Variants in STK32C observed in about 807,000 individuals in gnomAD.
The protein encoded by STK32C is serine/threonine-protein kinase 32C.
STK32C carries 31 observed loss-of-function variants against 56.5 expected under a neutral mutation model. The observed-to-expected ratio is 0.55, with a 90% CI of 0.41 to 0.74. The LOEUF (loss-of-function observed/expected upper bound fraction) is 0.74. Among genes scored for constraint, STK32C ranks in the 30% least tolerant of loss-of-function variants. The probability of loss-of-function intolerance (pLI) is 0.00; values close to 1 mark genes in which losing one functional copy is unlikely to be tolerated. For synonymous variants in STK32C, 309 were observed against 289.4 expected (o/e 1.07, Z -0.69); for missense variants, 544 against 676.9 (o/e 0.80, Z 2.18).
At chr10:132,239,968 G>T (rs552542842) in intron 2 of STK32C, among the ~76,000 whole-genome samples, 1 of 152,206 alleles carries the variant, frequency 6.6e-6, no homozygotes, top group Non-Finnish European at 1.5e-5. Flanking sequence ...GTCAGCGTCC[G>T]CTGGCTGTGA....
At chr10:132,208,579 G>A (rs1411109445) in intron 11 of STK32C, among the ~76,000 whole-genome samples, 1 of 152,168 alleles carries the variant, frequency 6.6e-6, no homozygotes, top group Admixed American at 6.5e-5. Flanking sequence ...GCCCCGTGCG[G>A]GCAGAGGGAG....
At position 132,283,339 on chromosome 10, in the gene STK32C, T is replaced by C. The variant is rs12259818; in HGVS notation, c.262+24233A>G. 6.9e-3 allele frequency among the ~76,000 whole-genome samples: 1,044 copies of C among 152,356 alleles called. 13 individuals carry two copies. Among genetic ancestry groups the C allele is most frequent in the African/African-American group, 0.023 (974 of 41,586 alleles). On this transcript the variant is annotated intron_variant, in intron 1 of 11. Coordinates refer to ENST00000298630, the MANE Select transcript of STK32C (RefSeq NM_173575.4). Reference sequence around the variant, plus strand: ...ATGGCACAACCCGCCCTGTGAAATCTGAGCGGAGCAAACAGGCTGTGAAGG... The same window carrying C: ...ATGGCACAACCCGCCCTGTGAAATCCGAGCGGAGCAAACAGGCTGTGAAGG...
chr10:132,209,235 G>A (rs1437096842), intron 10 of STK32C, 134 bp from the exon 11 acceptor site: 7 of 813,990 alleles, frequency 8.6e-6, no homozygotes, highest in Admixed American at 8.0e-5. Context: ...GGCTATTGAA[G>A]TGCCCCGGCC....
chr10:132,256,614 A>C (rs2818399), intron 1 of STK32C, among the ~76,000 whole-genome samples: 51,131 of 151,994 alleles, frequency 0.34, 8,887 homozygotes, highest in Admixed American at 0.45. Context: ...CCAGCTCCCC[A>C]AACCGCTGGA....
intron 1 of STK32C, among the ~76,000 whole-genome samples, chr10:132,279,762 C>CGTGATCACGCCCCTGTACTCG (rs1323023285): frequency 2.6e-4 from 40 of 151,470 alleles, no homozygotes; most frequent in South Asian, 6.3e-4. Flanking sequence ...CACTGCACTC[C>CGTGATCACGCCCCTGTACTCG]GTGATCACGC....
rs796978000 is a variant in STK32C, at chr10:132,324,426, G to A, written c.302-53C>T. The A allele has an allele frequency of 2.4e-5, 18 of 734,928 alleles. 1 individual carries two copies. In the African/African-American group the frequency reaches 2.9e-4, roughly 12 times the overall value. 45.5% of individuals were successfully genotyped at this position (734,928 alleles called of 1,614,324 possible). On this transcript the variant is annotated intron_variant, in intron 1 of 1. Coordinates refer to the STK32C transcript ENST00000368619. ...ACTTTGCAGTCTGAACTCTTTTCAA[G>A]GAAGAGCAATGTATTTCAGTTGTCA... is the stretch of plus-strand genomic sequence containing the variant.
intron 2 of STK32C, among the ~76,000 whole-genome samples, chr10:132,236,937 C>T (rs78631782): frequency 0.015 from 2,216 of 152,282 alleles, 66 homozygotes; most frequent in African/African-American, 0.048. Context: ...GCCTGCCACG[C>T]GCCCGCCAAG....
intron 1 of STK32C, 54 bp from the exon 2 acceptor site, chr10:132,246,009 A>C: frequency 6.4e-7 from 1 of 1,555,092 alleles, no homozygotes; most frequent in Non-Finnish European, 8.9e-7. Flanking sequence ...GCCCCACCCC[A>C]GAGCAGCTCC....
At chr10:132,328,207 T>C (rs2066540071) in intron 1 of STK32C, among the ~76,000 whole-genome samples, 7 of 151,860 alleles carry the variant, frequency 4.6e-5, no homozygotes. Context: ...TAAAGATAAT[T>C]GGGAGGGTGG....
intron 2 of STK32C, among the ~76,000 whole-genome samples, chr10:132,239,509 G>A (rs938374108): frequency 2.0e-5 from 3 of 152,252 alleles, no homozygotes; most frequent in Middle Eastern, 3.2e-3. Context: ...GCCAGATGGG[G>A]GTCGCTCCAT....
intron 1 of STK32C, among the ~76,000 whole-genome samples, chr10:132,302,540 C>T (rs2065939164): frequency 6.6e-6 from 1 of 152,160 alleles, no homozygotes; most frequent in Non-Finnish European, 1.5e-5. Context: ...CATAGGCCTC[C>T]TCCCCAGTCC....
rs372896019 is a variant in STK32C at position 132,284,240 on chromosome 10, G to A, written c.262+23332C>T. Among the ~76,000 whole-genome samples the A allele has an allele frequency of 6.6e-4, 99 of 149,598 alleles. 1 individual carries two copies. The South Asian group carries it at 0.014, about 21-fold the overall frequency. On this transcript the variant is annotated intron_variant, in intron 1 of 11. Coordinates refer to ENST00000298630, the MANE Select transcript of STK32C (RefSeq NM_173575.4). ...CCCCATGGGAAGCCCCGCAGGAAACGGGCAGAGTAGGAGGTGGCATCAAGG... is the reference window on the plus strand; with the variant it reads ...CCCCATGGGAAGCCCCGCAGGAAACAGGCAGAGTAGGAGGTGGCATCAAGG...
At chr10:132,267,797 G>A (rs2064619296) in intron 1 of STK32C, among the ~76,000 whole-genome samples, 1 of 125,840 alleles carries the variant, frequency 7.9e-6, no homozygotes. Flanking sequence ...ATGCCTGTGT[G>A]CATGCATGTC....
chr10:132,327,166 G>A (rs2066516254), intron 1 of STK32C, among the ~76,000 whole-genome samples: 1 of 152,096 alleles, frequency 6.6e-6, no homozygotes, highest in African/African-American at 2.4e-5. Flanking sequence ...ATGGGGGCAG[G>A]TCTTTCCCAG....
intron 2 of STK32C, among the ~76,000 whole-genome samples, chr10:132,239,534 C>A (rs1347590840): frequency 1.3e-5 from 2 of 152,240 alleles, no homozygotes; most frequent in Admixed American, 1.3e-4. Context: ...CGCACTTGGC[C>A]GCCGCAGAGG....
upstream of STK32C, among the ~76,000 whole-genome samples, chr10:132,312,895 C>T (rs527267539): frequency 5.3e-5 from 8 of 152,268 alleles, no homozygotes; most frequent in East Asian, 1.5e-3. Context: ...CAAAACTTAG[C>T]CAGGCGTGGT....
rs374374930 is a variant in STK32C, at chr10:132,268,324, G to A, written c.263-22369C>T. 6.8e-4 allele frequency among the ~76,000 whole-genome samples: 88 copies of A among 129,236 alleles called. 3 individuals carry two copies. The highest frequency in any genetic ancestry group is 1.3e-3 in the Admixed American group (16 of 12,082). 84.8% of individuals were successfully genotyped at this position (129,236 alleles called of 152,430 possible). ...GTCTCTCACATTGTGTATGTGTGTC[G>A]GTGTGTGTGCATGCATGTGTATGCG... On this transcript the variant is annotated intron_variant, in intron 1 of 11. Coordinates refer to ENST00000298630, the MANE Select transcript of STK32C (RefSeq NM_173575.4).
Position 132,207,999 on chromosome 10 carries a change from G to A in STK32C, c.*11C>T. ...AGCAGCTCAAGGGGTGAGGACCACG[G>A]GCGTCCCGGCCTAGCCGCTCCCGGC... On this transcript the variant is annotated 3_prime_UTR_variant, in exon 12 of 12. Transcript: ENST00000298630. 1 of 1,303,496 alleles carries A rather than the reference G, an allele frequency of 7.7e-7. No homozygotes were observed. Among genetic ancestry groups the A allele is most frequent in the Non-Finnish European group, 9.8e-7 (1 of 1,019,358 alleles). The allele number at this position is 1,303,496 out of a possible 1,614,324, so 80.7% of individuals were successfully genotyped here.
chr10:132,318,367 G>C (rs988840581), intron 1 of STK32C, among the ~76,000 whole-genome samples: 1 of 152,088 alleles, frequency 6.6e-6, no homozygotes, highest in Non-Finnish European at 1.5e-5. Flanking sequence ...TGTAATCCCA[G>C]CACCTTGGGA....
Sources: gnomAD v4.1 joint callset for allele counts (sites outside exome capture counted in the v4.1 genomes callset) on GRCh38, gnomAD v4.1.1 for gene constraint, MANE v1.5 for transcripts, NCBI Gene and HGNC (gene_info 2026-07-23, HGNC 2026-07-21) for gene names.